CORO2A: variants seen among roughly 807,000 people sequenced by gnomAD.
CORO2A encodes the protein coronin-2A.
A neutral mutation model predicts 62.4 loss-of-function variants in CORO2A; 47 were observed. The ratio of observed to expected loss-of-function variants is 0.75; its 90% CI spans 0.60 to 0.96. CORO2A has a LOEUF of 0.96. Ranked by LOEUF, CORO2A falls within the 40% of genes least tolerant of loss-of-function variation. The pLI, the probability that CORO2A is intolerant of heterozygous loss-of-function variation, is 0.00. For missense variants in CORO2A, 610 were observed against 684.1 expected (o/e 0.89, Z 1.21); for synonymous variants, 273 against 268.9 (o/e 1.02, Z -0.15).
At chr9:98,160,525 G>C (rs896690539) in intron 1 of CORO2A, among the ~76,000 whole-genome samples, 2 of 152,206 alleles carry the variant, frequency 1.3e-5, no homozygotes, top group Non-Finnish European at 1.5e-5. Flanking sequence ...TCTATAGTGA[G>C]TTTTGAGAGA....
chr9:98,124,831 C>G lies in CORO2A; in HGVS notation c.1521G>C (p.Gln507His), dbSNP rs142446876. 60 of 1,607,728 alleles carry G rather than the reference C, an allele frequency of 3.7e-5. No homozygotes were observed. The African/African-American group carries it at 6.5e-4, about 18-fold the overall frequency. ...TGATCTCCAGTTCCAACTGTTTGGCCTGGACCTCTCGCTGGGTCAACAGCT... is the reference window on the plus strand; with the variant it reads ...TGATCTCCAGTTCCAACTGTTTGGCGTGGACCTCTCGCTGGGTCAACAGCT... Reference protein sequence around the residue: ...LRELLTQREVQAKQLELEIKN... With the variant: ...LRELLTQREVHAKQLELEIKN... The change falls in exon 12 of 12, where the codon CAG (glutamine) becomes CAC (histidine). Residue 507 changes from glutamine to histidine, a missense_variant. Coordinates refer to ENST00000375077, the MANE Select transcript of CORO2A (RefSeq NM_052820.4).
At chr9:98,187,622 G>A (rs1364130083) in intron 1 of CORO2A, among the ~76,000 whole-genome samples, 1 of 152,154 alleles carries the variant, frequency 6.6e-6, no homozygotes, top group African/African-American at 2.4e-5. Context: ...CTCATGTGGT[G>A]GAGGAGGTGA....
chr9:98,188,470 A>T (rs58302299), intron 1 of CORO2A, among the ~76,000 whole-genome samples: 14,961 of 152,154 alleles, frequency 0.098, 1,617 homozygotes, highest in African/African-American at 0.27. Flanking sequence ...GCACTTAGAA[A>T]ATACCTAGTA....
At position 98,157,535 on chromosome 9, in the gene CORO2A, G is replaced by A. The variant is rs375207574; in HGVS notation, c.126C>T (p.Ala42=). 1.9e-5 allele frequency: 30 copies of A among 1,614,092 alleles called. No homozygotes were observed. Among genetic ancestry groups the A allele is most frequent in the Non-Finnish European group, 2.3e-5 (27 of 1,180,052 alleles). ...CAACTGCAATGAAGTGGGGGTTCAC[G>A]GCACAGAAGTGGTTGTCGTGAACGC... ...TRSVHDNHFC[A]VNPHFIAVVT... The change falls in exon 2 of 12, where the codon GCC becomes GCT. Residue 42 remains alanine (A), a synonymous_variant. Transcript: ENST00000375077.
At chr9:98,173,660 T>C (rs916176998) in intron 1 of CORO2A, among the ~76,000 whole-genome samples, 2 of 152,324 alleles carry the variant, frequency 1.3e-5, no homozygotes, top group Admixed American at 6.5e-5. Context: ...AATCCACCTA[T>C]TGCGTCTGCT....
intron 10 of CORO2A, among the ~76,000 whole-genome samples, chr9:98,127,385 G>A (rs1827337354): frequency 1.3e-5 from 2 of 152,188 alleles, no homozygotes; most frequent in Non-Finnish European, 2.9e-5. Context: ...GAAGGGAGAG[G>A]GAGCAGCTGG....
chr9:98,165,757 C>CACATAATGG (rs1827950365), intron 1 of CORO2A, among the ~76,000 whole-genome samples: 1 of 152,234 alleles, frequency 6.6e-6, no homozygotes, highest in African/African-American at 2.4e-5. Flanking sequence ...ATAACAGAAA[C>CACATAATGG]ACATAATGGA....
intron 1 of CORO2A, among the ~76,000 whole-genome samples, chr9:98,186,350 G>A (rs568957936): frequency 6.6e-6 from 1 of 152,306 alleles, no homozygotes; most frequent in Admixed American, 6.5e-5. Flanking sequence ...TCCAGGGATG[G>A]ACTACAGGCA....
intron 2 of CORO2A, among the ~76,000 whole-genome samples, chr9:98,154,277 G>A (rs1443211941): frequency 2.9e-5 from 4 of 139,348 alleles, no homozygotes; most frequent in African/African-American, 1.1e-4. Flanking sequence ...AAGTTTTGTA[G>A]GATTTACCTG....
At position 98,126,797 on chromosome 9, in the gene CORO2A, CA is replaced by C; in HGVS notation, c.1197del (p.Gly400AlafsTer5). 1 of 1,614,154 alleles carries C rather than the reference CA, an allele frequency of 6.2e-7. No homozygotes were observed. Among genetic ancestry groups the C allele is most frequent in the Admixed American group, 1.7e-5 (1 of 60,018 alleles). ...GGGTGGGGTCTCAGCAGCTCAGAGC[CA>C]GGCCTAAGGGACACCAGGATTGGGT... is the stretch of plus-strand genomic sequence containing the variant. ...NRDPILVSLR[P>X]GSELLRPHPL... On this transcript the variant is annotated frameshift_variant, in exon 11 of 12. Transcript: ENST00000375077. LOFTEE classifies it high-confidence loss of function.
At chr9:98,170,043 G>A (rs55835454) in intron 1 of CORO2A, among the ~76,000 whole-genome samples, 29 of 152,326 alleles carry the variant, frequency 1.9e-4, no homozygotes, top group Non-Finnish European at 3.1e-4. Context: ...TCTCTGTGCC[G>A]TAGCATTAGA....
At chr9:98,135,116 G>C (rs1827468096) in intron 3 of CORO2A, among the ~76,000 whole-genome samples, 161 bp from the exon 4 acceptor site, 1 of 152,188 alleles carries the variant, frequency 6.6e-6, no homozygotes, top group Admixed American at 6.5e-5. Flanking sequence ...GGCAGTGGAG[G>C]GGCAGCTGAG....
chr9:98,129,801 C>T lies in CORO2A; in HGVS notation c.960G>A (p.Lys320=). The change falls in exon 8 of 12, where the codon AAG becomes AAA. Residue 320 remains lysine (K), a synonymous_variant. Transcript: ENST00000375077. ...LTEYRSYNPQ[K]GIGVMPKRGL... is the part of the protein sequence containing the mutation. Reference sequence around the variant, plus strand: ...TCAGTGTCCCTCACTTACCGATCCCCTTCTGTGGGTTATAGGAGCGGTACT... The same window carrying T: ...TCAGTGTCCCTCACTTACCGATCCCTTTCTGTGGGTTATAGGAGCGGTACT... The T allele has an allele frequency of 1.9e-6, 3 of 1,612,768 alleles. No homozygotes were observed. The highest frequency in any genetic ancestry group is 2.7e-5 in the African/African-American group (2 of 75,004).
intron 1 of CORO2A, among the ~76,000 whole-genome samples, chr9:98,191,057 C>T (rs1218280679): frequency 6.6e-6 from 1 of 152,218 alleles, no homozygotes; most frequent in Non-Finnish European, 1.5e-5. Context: ...GCCTCCTGCC[C>T]TCTTTTGGCT....
At chr9:98,183,381 G>A (rs1828201044) in intron 1 of CORO2A, among the ~76,000 whole-genome samples, 1 of 152,278 alleles carries the variant, frequency 6.6e-6, no homozygotes, top group African/African-American at 2.4e-5. Context: ...AGCCATCCTT[G>A]GACTCTGCTC....
intron 2 of CORO2A, among the ~76,000 whole-genome samples, chr9:98,149,660 G>A (rs778736602): frequency 8.5e-5 from 13 of 152,054 alleles, no homozygotes; most frequent in Non-Finnish European, 1.9e-4. Flanking sequence ...CACAGGGAGG[G>A]CATCAAGCCA....
Position 98,122,231 on chromosome 9 carries a change from T to A in CORO2A, c.*2543A>T, listed in dbSNP as rs1234065302. On this transcript the variant is annotated 3_prime_UTR_variant, in exon 12 of 12. Transcript: ENST00000375077. ...CATCTTTATTGCAAATAGGTACACATGCAGTCTTCCATCTTCACTGTACTG... is the reference window on the plus strand; with the variant it reads ...CATCTTTATTGCAAATAGGTACACAAGCAGTCTTCCATCTTCACTGTACTG... 1.3e-5 allele frequency: 2 copies of A among 152,214 alleles called. No homozygotes were observed. Among genetic ancestry groups the A allele is most frequent in the Admixed American group, 6.5e-5 (1 of 15,278 alleles). 9.4% of individuals were successfully genotyped at this position (152,214 alleles called of 1,614,324 possible). A position where few individuals can be genotyped will look rare whatever the true frequency, so the allele number is the denominator to read the frequency against.
intron 2 of CORO2A, among the ~76,000 whole-genome samples, chr9:98,144,843 G>C (rs1587998680): frequency 1.3e-5 from 2 of 151,884 alleles, no homozygotes; most frequent in Non-Finnish European, 2.9e-5. Context: ...GTGAGGCTGA[G>C]GGCATGGAGT....
In CORO2A at chr9:98,121,839, G is replaced by A. The variant is rs1466501974; in HGVS notation, c.*2935C>T. On this transcript the variant is annotated 3_prime_UTR_variant, in exon 12 of 12. Coordinates refer to ENST00000375077, the MANE Select transcript of CORO2A (RefSeq NM_052820.4). Reference sequence around the variant, plus strand: ...TGTGAAGTGCTAGCCACACAGGTGGGAAAGGTAAGCCTATCCTGTAGAGCT... The same window carrying A: ...TGTGAAGTGCTAGCCACACAGGTGGAAAAGGTAAGCCTATCCTGTAGAGCT... 5 of 152,286 alleles carry A rather than the reference G, an allele frequency of 3.3e-5. No individual in the cohort carries two copies. The highest frequency in any genetic ancestry group is 3.3e-4 in the Admixed American group (5 of 15,280). The allele number at this position is 152,286 out of a possible 1,614,324, so 9.4% of individuals were successfully genotyped here. A position where few individuals can be genotyped will look rare whatever the true frequency, so the allele number is the denominator to read the frequency against.
Sources: allele counts gnomAD v4.1 joint callset (sites outside exome capture counted in the v4.1 genomes callset), GRCh38; gene constraint gnomAD v4.1.1; transcripts MANE v1.5; gene names NCBI Gene and HGNC (gene_info 2026-07-23, HGNC 2026-07-21).